The following CACNA1H variants were observed in gnomAD, a reference collection of about 807,000 sequenced individuals.
The protein encoded by CACNA1H is voltage-dependent T-type calcium channel subunit alpha-1H.
In CACNA1H, 149 loss-of-function variants were observed where a neutral mutation model predicts 192.5. That is an observed-to-expected ratio of 0.77 (90% CI 0.68 to 0.89). CACNA1H has a LOEUF of 0.89. Among genes scored for constraint, CACNA1H ranks in the 40% least tolerant of loss-of-function variants. The pLI is 0.00. For synonymous variants in CACNA1H, 2,202 were observed against 1,475.2 expected (o/e 1.49, Z -11.29); for missense variants, 4,257 against 3,423.5 (o/e 1.24, Z -6.08).
chr16:1,169,255 C>T (rs2151696736), intron 2 of CACNA1H, among the ~76,000 whole-genome samples: 1 of 152,242 alleles, frequency 6.6e-6, no homozygotes, highest in East Asian at 1.9e-4. Flanking sequence ...CCGCTATGTT[C>T]ACTGTGGGCG....
At chr16:1,196,386 G>A (rs1476372940) in intron 5 of CACNA1H, among the ~76,000 whole-genome samples, 1 of 152,260 alleles carries the variant, frequency 6.6e-6, no homozygotes, top group African/African-American at 2.4e-5. Flanking sequence ...TCCTGGTGTG[G>A]CTCGTGGTGG....
chr16:1,160,812 T>C (rs1375117578), intron 2 of CACNA1H, among the ~76,000 whole-genome samples: 1 of 152,046 alleles, frequency 6.6e-6, no homozygotes, highest in Non-Finnish European at 1.5e-5. Flanking sequence ...GAGAGATCCT[T>C]GGGTGGGTGT....
chr16:1,161,209 G>A (rs1026951515), intron 2 of CACNA1H, among the ~76,000 whole-genome samples: 1 of 152,342 alleles, frequency 6.6e-6, no homozygotes, highest in Non-Finnish European at 1.5e-5. Context: ...TGCCGTTGGC[G>A]ACTGATGGGA....
At chr16:1,198,152 C>A (rs1967218228) in intron 5 of CACNA1H, among the ~76,000 whole-genome samples, 1 of 152,158 alleles carries the variant, frequency 6.6e-6, no homozygotes, top group South Asian at 2.1e-4. Flanking sequence ...AAGGCTCCTG[C>A]TGCCTTGGTG....
chr16:1,214,984 G>T lies in CACNA1H; in HGVS notation c.4942G>T (p.Ala1648Ser). 1 of 1,609,226 alleles carries T rather than the reference G, an allele frequency of 6.2e-7. No homozygotes were observed. Among genetic ancestry groups the T allele is most frequent in the Non-Finnish European group, 8.5e-7 (1 of 1,177,764 alleles). ...HYNQPKSLDE[A>S]LKYCNYVFTI... ...CCTCCACCCCCAGTCGCTGGACGAG[G>T]CCCTCAAGTACTGCAACTACGTCTT... Residue 1648 changes from alanine to serine, a missense_variant, in exon 28 of 35, where the codon GCC (alanine) becomes TCC (serine). Transcript: ENST00000348261.
intron 2 of CACNA1H, among the ~76,000 whole-genome samples, chr16:1,160,686 G>T (rs1023530548): frequency 1.3e-5 from 2 of 152,212 alleles, no homozygotes; most frequent in African/African-American, 4.8e-5. Context: ...GCCGTTGGCG[G>T]GGCCGTGAGA....
rs775183925 is a variant in CACNA1H at position 1,208,169 on chromosome 16, G to A, written c.3311G>A (p.Arg1104Gln). 58 of 1,566,092 alleles carry A rather than the reference G, an allele frequency of 3.7e-5. No individual in the cohort carries two copies. Among genetic ancestry groups the A allele is most frequent in the South Asian group, 7.0e-5 (6 of 85,254 alleles). Reference protein sequence around the residue: ...LDAAPSLPDSRRGSSSSGDPP... With the variant: ...LDAAPSLPDSQRGSSSSGDPP... ...GCAGCCCCCAGCCTCCCAGACTCTC[G>A]GCGTGGCAGCAGCAGCTCCGGGGAC... The change falls in exon 16 of 35, where the codon CGG (arginine) becomes CAG (glutamine). Residue 1104 changes from arginine (R) to glutamine (Q), a missense_variant. Physicochemically the swap from Arg to Gln is conservative, Grantham distance 43. Transcript: ENST00000348261.
At chr16:1,207,694 C>A in intron 14 of CACNA1H, 76 bp from the exon 15 acceptor site, 2 of 1,331,440 alleles carry the variant, frequency 1.5e-6, no homozygotes, top group South Asian at 1.3e-5. Context: ...CCCAGGCCAG[C>A]CCAGACTTCT....
chr16:1,193,827 A>G (rs944371235), intron 2 of CACNA1H, among the ~76,000 whole-genome samples: 3 of 151,350 alleles, frequency 2.0e-5, no homozygotes, highest in Non-Finnish European at 4.4e-5. Context: ...TCCCTGGGGG[A>G]GGGGCTCCAG....
chr16:1,160,032 G>GC (rs993287501), intron 2 of CACNA1H: 11 of 152,390 alleles, frequency 7.2e-5, no homozygotes, highest in African/African-American at 2.7e-4. Flanking sequence ...CGGGGGAGGG[G>GC]CCAGCCTGTC....
chr16:1,199,467 C>A (rs1453102122), intron 6 of CACNA1H, among the ~76,000 whole-genome samples: 1 of 106,546 alleles, frequency 9.4e-6, no homozygotes, highest in East Asian at 2.2e-4. Context: ...GCCCCACCCC[C>A]ATCATGGCTC....
chr16:1,187,965 G>A (rs551598507), intron 2 of CACNA1H, among the ~76,000 whole-genome samples: 109 of 152,380 alleles, frequency 7.2e-4, no homozygotes, highest in African/African-American at 2.5e-3. Flanking sequence ...CAGGAGCCAG[G>A]CCGAGCCGTG....
rs761877111 is a variant in CACNA1H at position 1,204,262 on chromosome 16, C to T, written c.2255C>T (p.Pro752Leu). The T allele has an allele frequency of 4.7e-5, 75 of 1,608,404 alleles. 1 individual carries two copies. The highest frequency in any genetic ancestry group is 1.7e-4 in the Admixed American group (10 of 59,556). ...CGACCACCCCGTGCGACGGACACAC[C>T]AGGCCCAGGCCCAGGCAGCCCCCAG... Reference protein sequence around the residue: ...PTRPPRATDTPGPGPGSPQRR... With the variant: ...PTRPPRATDTLGPGPGSPQRR... The change falls in exon 10 of 35, where the codon CCA (proline) becomes CTA (leucine). Residue 752 changes from proline (P) to leucine (L), a missense_variant. Transcript: ENST00000348261.
chr16:1,195,667 C>A, intron 4 of CACNA1H, 102 bp downstream of exon 4: 1 of 1,347,552 alleles, frequency 7.4e-7, no homozygotes, highest in Non-Finnish European at 1.0e-6. Flanking sequence ...GAGGTGTGTT[C>A]TAGAGGGATC....
chr16:1,212,144 GCGCTCC>G lies in CACNA1H; in HGVS notation c.4759+9_4759+14del. On this transcript the variant is annotated splice_region_variant and intron_variant, in intron 25 of 34. Coordinates refer to ENST00000348261, the MANE Select transcript of CACNA1H (RefSeq NM_021098.3). ...CCTAGAGAGGAGGCGCAGGAGTAAG[GCGCTCC>G]CGGTGGCGGTGGCGGTGGCGGGTCG... The G allele has an allele frequency of 6.2e-7, 1 of 1,601,158 alleles. No homozygotes were observed. The highest frequency in any genetic ancestry group is 8.5e-7 in the Non-Finnish European group (1 of 1,178,148).
chr16:1,156,421 G>A (rs920406845), intron 2 of CACNA1H, among the ~76,000 whole-genome samples: 14 of 152,260 alleles, frequency 9.2e-5, no homozygotes, highest in Non-Finnish European at 1.5e-4. Flanking sequence ...TAAGCTGGCA[G>A]GCCTGGACAG....
intron 21 of CACNA1H, 35 bp downstream of exon 21, chr16:1,211,006 G>C (rs1293343154): frequency 6.3e-7 from 1 of 1,582,622 alleles, no homozygotes; most frequent in South Asian, 1.1e-5. Flanking sequence ...GGGGCAACCT[G>C]GAAGCACAGT....
At chr16:1,208,547 C>T (rs1969034235) in intron 16 of CACNA1H, among the ~76,000 whole-genome samples, 2 of 152,210 alleles carry the variant, frequency 1.3e-5, no homozygotes, top group African/African-American at 4.8e-5. Flanking sequence ...GGGGGTTCCG[C>T]TGCCACCAGA....
chr16:1,158,897 C>A (rs956234429), intron 2 of CACNA1H, among the ~76,000 whole-genome samples: 1 of 152,014 alleles, frequency 6.6e-6, no homozygotes, highest in Admixed American at 6.5e-5. Context: ...GCTCAGCCCG[C>A]ACCCCTGGCC....
Sources: allele counts gnomAD v4.1 joint callset (sites outside exome capture counted in the v4.1 genomes callset), GRCh38; gene constraint gnomAD v4.1.1; transcripts MANE v1.5; gene names NCBI Gene and HGNC (gene_info 2026-07-23, HGNC 2026-07-21).